Variants in SOCS7 observed in about 807,000 individuals in gnomAD.
The protein encoded by SOCS7 is suppressor of cytokine signaling 7.
A neutral mutation model predicts 58.9 loss-of-function variants in SOCS7; 18 were observed. The observed-to-expected ratio is 0.31, with a 90% CI of 0.21 to 0.45. SOCS7 has a LOEUF of 0.45. SOCS7 is among the 20% of genes least tolerant of loss of function. SOCS7 has a pLI of 1.00. For synonymous variants in SOCS7, 388 were observed against 364.3 expected (o/e 1.06, Z -0.74); for missense variants, 667 against 837.3 (o/e 0.80, Z 2.51).
chr17:38,361,614 T>A, intron 1 of SOCS7, 97 bp from the exon 2 acceptor site: 1 of 915,744 alleles, frequency 1.1e-6, no homozygotes, highest in Non-Finnish European at 1.8e-6. Context: ...GGGTTTGCTT[T>A]ATTTCTCAGT....
At chr17:38,393,477 A>G (rs2038203163) in intron 7 of SOCS7, among the ~76,000 whole-genome samples, 1 of 152,126 alleles carries the variant, frequency 6.6e-6, no homozygotes. Flanking sequence ...TCTCTACTAA[A>G]AATACAAATA....
chr17:38,398,948 G>T (rs1350553481), intron 9 of SOCS7, among the ~76,000 whole-genome samples: 3 of 152,062 alleles, frequency 2.0e-5, no homozygotes, highest in African/African-American at 7.2e-5. Flanking sequence ...AAATTAGCCA[G>T]GCATGGTGGC....
intron 7 of SOCS7, among the ~76,000 whole-genome samples, chr17:38,387,744 C>T (rs1418757845): frequency 6.4e-5 from 7 of 108,904 alleles, no homozygotes; most frequent in Middle Eastern, 0.011. Context: ...ATATAAAATT[C>T]ATGGAATTAA....
chr17:38,389,672 G>C (rs886432590), intron 7 of SOCS7, among the ~76,000 whole-genome samples: 1 of 144,820 alleles, frequency 6.9e-6, no homozygotes, highest in Non-Finnish European at 1.5e-5. Flanking sequence ...GAAGGATTTT[G>C]ATGAGTTCCT....
At chr17:38,389,906 T>TATATATATATGTACATATATATATAGAG (rs1555571102) in intron 7 of SOCS7, among the ~76,000 whole-genome samples, 1 of 103,480 alleles carries the variant, frequency 9.7e-6, no homozygotes, top group African/African-American at 4.7e-5. Flanking sequence ...TATACACATA[T>TATATATATATGTACATATATATATAGAG]AGAGAGAGAG....
chr17:38,379,733 C>T (rs2037977994), intron 7 of SOCS7, among the ~76,000 whole-genome samples: 1 of 152,152 alleles, frequency 6.6e-6, no homozygotes, highest in Admixed American at 6.5e-5. Flanking sequence ...TGCCTCAGTG[C>T]TGTCAACACA....
intron 5 of SOCS7, among the ~76,000 whole-genome samples, chr17:38,366,930 G>A (rs1270628744): frequency 6.6e-6 from 1 of 152,198 alleles, no homozygotes; most frequent in African/African-American, 2.4e-5. Context: ...CATGATAAAG[G>A]TTGTTGGAGA....
chr17:38,385,683 C>T (rs772773251), intron 7 of SOCS7, among the ~76,000 whole-genome samples: 6 of 151,934 alleles, frequency 3.9e-5, no homozygotes, highest in Non-Finnish European at 8.8e-5. Context: ...TGATATTGCT[C>T]ATTTGAAAAA....
intron 7 of SOCS7, among the ~76,000 whole-genome samples, chr17:38,384,920 G>A (rs1319375067): frequency 1.7e-5 from 2 of 118,288 alleles, no homozygotes; most frequent in Admixed American, 9.5e-5. Context: ...TTTTTTGACG[G>A]AGTTTTGCTC....
At chr17:38,358,032 C>G (rs587738623) in intron 1 of SOCS7, among the ~76,000 whole-genome samples, 2 of 152,260 alleles carry the variant, frequency 1.3e-5, no homozygotes, top group East Asian at 3.9e-4. Flanking sequence ...TTGTTACCTA[C>G]AGCATAGGCA....
Position 38,368,066 on chromosome 17 carries a change from AAG to A in SOCS7, c.1552+21_1552+22del, listed in dbSNP as rs1555568654. 1.3e-6 allele frequency: 2 copies of A among 1,572,568 alleles called. No individual in the cohort carries two copies. Among genetic ancestry groups the A allele is most frequent in the African/African-American group, 2.7e-5 (2 of 73,776 alleles). On this transcript the variant is annotated intron_variant, in intron 6 of 9. Transcript: ENST00000612932. Reference sequence around the variant, plus strand: ...CACTACAGAGGTAAGAGATACTGGTAAGAGAGGCTTCTTCCCCCCTTGATTTG... The same window carrying A: ...CACTACAGAGGTAAGAGATACTGGTAAGAGGCTTCTTCCCCCCTTGATTTG...
intron 7 of SOCS7, among the ~76,000 whole-genome samples, chr17:38,386,350 T>G (rs2038068276): frequency 1.7e-5 from 2 of 121,034 alleles, no homozygotes; most frequent in African/African-American, 7.9e-5. Context: ...AAAAAAAAAT[T>G]AGCCAGGTGG....
At chr17:38,396,484 G>T (rs1357979744) in intron 9 of SOCS7, among the ~76,000 whole-genome samples, 1 of 152,282 alleles carries the variant, frequency 6.6e-6, no homozygotes, top group African/African-American at 2.4e-5. Context: ...ACTCCACCAT[G>T]TCCCACAGCT....
chr17:38,353,049 G>A lies in SOCS7; in HGVS notation c.980+17G>A. 1.9e-6 allele frequency: 3 copies of A among 1,545,578 alleles called. No individual in the cohort carries two copies. Among genetic ancestry groups the A allele is most frequent in the South Asian group, 2.4e-5 (2 of 84,502 alleles). On this transcript the variant is annotated intron_variant, in intron 1 of 9. Transcript: ENST00000612932. ...CGCGGGGAGGTGAGACCGGCCGGGG[G>A]CTGGCCGACAAACTTCCTTTTCTTG...
chr17:38,398,068 T>A (rs1183382718), intron 9 of SOCS7, among the ~76,000 whole-genome samples: 1 of 152,082 alleles, frequency 6.6e-6, no homozygotes, highest in East Asian at 1.9e-4. Flanking sequence ...GTCTTGAGTG[T>A]TGGGGGCAGT....
At chr17:38,364,157 T>G (rs1555567946) in intron 2 of SOCS7, among the ~76,000 whole-genome samples, 2 of 152,216 alleles carry the variant, frequency 1.3e-5, no homozygotes, top group Non-Finnish European at 2.9e-5. Flanking sequence ...CTATAAATTG[T>G]ACTTTCAGCC....
At chr17:38,364,641 T>C in intron 2 of SOCS7, 111 bp from the exon 3 acceptor site, 1 of 809,920 alleles carries the variant, frequency 1.2e-6, no homozygotes, top group Non-Finnish European at 2.1e-6. Context: ...TTGAGCTTTC[T>C]GAGAGCAGCA....
At chr17:38,385,417 C>T (rs560608507) in intron 7 of SOCS7, among the ~76,000 whole-genome samples, 1 of 150,394 alleles carries the variant, frequency 6.6e-6, no homozygotes, top group Non-Finnish European at 1.5e-5. Flanking sequence ...AGCGTGACAG[C>T]ATTACTTCAT....
At position 38,399,738 on chromosome 17, in the gene SOCS7, G is replaced by T. The variant is rs1356851841; in HGVS notation, c.*256G>T. ...GGAGGGGCTCCTTGGAAAACTGGAA[G>T]AAGTCTCAACACTGTTTCTTTTTCA... On this transcript the variant is annotated 3_prime_UTR_variant, in exon 10 of 10. Coordinates refer to ENST00000612932, the MANE Select transcript of SOCS7 (RefSeq NM_014598.4). The T allele has an allele frequency of 6.5e-6, 1 of 152,708 alleles. No individual in the cohort carries two copies. Among genetic ancestry groups the T allele is most frequent in the Non-Finnish European group, 1.5e-5 (1 of 68,106 alleles). 9.5% of individuals were successfully genotyped at this position (152,708 alleles called of 1,614,324 possible). A position where few individuals can be genotyped will look rare whatever the true frequency, so the allele number is the denominator to read the frequency against.
Sources: gnomAD v4.1 joint callset for allele counts (sites outside exome capture counted in the v4.1 genomes callset) on GRCh38, gnomAD v4.1.1 for gene constraint, MANE v1.5 for transcripts, NCBI Gene and HGNC (gene_info 2026-07-23, HGNC 2026-07-21) for gene names.